Variants in CTDNEP1 observed in about 807,000 individuals in gnomAD.
CTDNEP1 encodes the protein C-terminal domain nuclear envelope phosphatase 1.
In CTDNEP1, 3 loss-of-function variants were observed where a neutral mutation model predicts 30.1. The ratio of observed to expected loss-of-function variants is 0.10; its 90% CI spans 0.05 to 0.26. The LOEUF (loss-of-function observed/expected upper bound fraction) is 0.26. Ranked by LOEUF, CTDNEP1 falls within the 10% of genes least tolerant of loss-of-function variation. CTDNEP1 has a pLI of 1.00. For synonymous variants in CTDNEP1, 123 were observed against 118.8 expected (o/e 1.04, Z -0.23); for missense variants, 158 against 310.4 (o/e 0.51, Z 3.69).
At position 7,244,613 on chromosome 17, in the gene CTDNEP1, G is replaced by C. The variant is rs2071814229; in HGVS notation, c.612C>G (p.Ser204=). ...CTGTGTCGCTGGGGTCACTGAACCA[G>C]GATTTGATGGGGATGGCATTGTCTA... ...SHPDNAIPIK[S]WFSDPSDTAL... The change falls in exon 7 of 8, where the codon TCC becomes TCG. Residue 204 remains serine, a synonymous_variant. Transcript: ENST00000574322. 6.2e-7 allele frequency: 1 copy of C among 1,612,706 alleles called. No individual in the cohort carries two copies. The highest frequency in any genetic ancestry group is 1.7e-5 in the Admixed American group (1 of 59,782).
In CTDNEP1 at chr17:7,251,523, A is replaced by G. The variant is rs1204705520; in HGVS notation, c.-227T>C. 2.1e-5 allele frequency: 7 copies of G among 327,824 alleles called. No individual in the cohort carries two copies. Among genetic ancestry groups the G allele is most frequent in the African/African-American group, 2.3e-5 (1 of 44,034 alleles). 20.3% of individuals were successfully genotyped at this position (327,824 alleles called of 1,614,324 possible). A position where few individuals can be genotyped will look rare whatever the true frequency, so the allele number is the denominator to read the frequency against. On this transcript the variant is annotated 5_prime_UTR_variant, in exon 1 of 8. It removes an upstream start codon present in the reference 5' UTR. Coordinates refer to ENST00000574322, the MANE Select transcript of CTDNEP1 (RefSeq NM_001143775.2). ...GCGTGGGCAGCCCGCGGGGGCCCAC[A>G]TGGGCTGGGAGTGGCACCGACGGCT...
At chr17:7,247,037 AT>A in intron 3 of CTDNEP1, 26 bp downstream of exon 3, 1 of 1,555,336 alleles carries the variant, frequency 6.4e-7, no homozygotes, top group Non-Finnish European at 8.9e-7. Flanking sequence ...AGATGGAACC[AT>A]TTCATCACTC....
At position 7,246,245 on chromosome 17, in the gene CTDNEP1, C is replaced by T. The variant is rs763632018; in HGVS notation, c.477+9G>A. On this transcript the variant is annotated intron_variant, in intron 5 of 7. Coordinates refer to ENST00000574322, the MANE Select transcript of CTDNEP1 (RefSeq NM_001143775.2). This position sits in a 1 kb window ranked among gnomAD's most constrained non-coding sequence, Gnocchi z 4.9. The stretch of plus-strand genomic sequence containing the variant: ...CAAGCCACACTCTTAGACTGGGATT[C>T]TAGCTTACCTGTCTGTAATATCTCC... 4.4e-6 allele frequency: 7 copies of T among 1,605,986 alleles called. No homozygotes were observed. Among genetic ancestry groups the T allele is most frequent in the Non-Finnish European group, 4.3e-6 (5 of 1,172,626 alleles).
Position 7,244,541 on chromosome 17 carries a change from C to T in CTDNEP1, c.674+10G>A, listed in dbSNP as rs1401619858. Reference sequence around the variant, plus strand: ...GAGATATCCAAGTGTCCAGAGCCCACTTCCCTTACCTGAGGGCATCCAGCA... The same window carrying T: ...GAGATATCCAAGTGTCCAGAGCCCATTTCCCTTACCTGAGGGCATCCAGCA... On this transcript the variant is annotated intron_variant, in intron 7 of 7. Transcript: ENST00000574322. The T allele has an allele frequency of 2.5e-6, 4 of 1,610,930 alleles. No individual in the cohort carries two copies. In the African/African-American group the frequency reaches 4.0e-5, roughly 16 times the overall value.
chr17:7,244,790 G>A (rs549000412), intron 6 of CTDNEP1, 155 bp from the exon 7 acceptor site: 13 of 603,934 alleles, frequency 2.2e-5, no homozygotes, highest in African/African-American at 9.4e-5. Flanking sequence ...TTTATGCTCC[G>A]AAACTAAGTT....
chr17:7,246,160 G>T lies in CTDNEP1; in HGVS notation c.478-23C>A. 6.3e-7 allele frequency: 1 copy of T among 1,597,756 alleles called. No homozygotes were observed. On this transcript the variant is annotated intron_variant, in intron 5 of 7. Transcript: ENST00000574322. This position sits in a 1 kb window ranked among gnomAD's most constrained non-coding sequence, Gnocchi z 4.9. Reference sequence around the variant, plus strand: ...GTGCTGGAAGGCAGGGGATCATGTAGCAGGCCTCTCTCCAGGATACTCTCC... The same window carrying T: ...GTGCTGGAAGGCAGGGGATCATGTATCAGGCCTCTCTCCAGGATACTCTCC...
rs560835713 is a variant in CTDNEP1 at position 7,246,738 on chromosome 17, G to A, written c.360+53C>T. ...CCTCCAAATCCTCCCAATTCCCAGAGCCCTAAAACCATTCCTTCATTACAG... is the reference window on the plus strand; with the variant it reads ...CCTCCAAATCCTCCCAATTCCCAGAACCCTAAAACCATTCCTTCATTACAG... On this transcript the variant is annotated intron_variant, in intron 4 of 7. Transcript: ENST00000574322. The surrounding 1 kb of genome is among the most constrained non-coding windows in gnomAD (Gnocchi z 4.9). The A allele has an allele frequency of 1.3e-6, 2 of 1,481,790 alleles. No homozygotes were observed. The highest frequency in any genetic ancestry group is 1.4e-5 in the African/African-American group (1 of 71,988). 91.8% of individuals were successfully genotyped at this position (1,481,790 alleles called of 1,614,324 possible).
chr17:7,250,445 C>A (rs973855557), intron 1 of CTDNEP1, among the ~76,000 whole-genome samples: 2 of 152,144 alleles, frequency 1.3e-5, no homozygotes, highest in Non-Finnish European at 2.9e-5. Flanking sequence ...GAATGCTAGG[C>A]TCTCCTGGAG....
chr17:7,251,262 G>A lies in CTDNEP1; in HGVS notation c.35C>T (p.Thr12Met), dbSNP rs773809022. ...MRTQCLLGLR[T>M]FVAFAAKLWS... ...GAGCTTGGCGGCGAAGGCCACGAAC[G>A]TGCGCAGCCCCAGCAGACACTGCGT... Residue 12 changes from threonine to methionine, a missense_variant, in exon 1 of 8, where the codon ACG becomes ATG. Thr to Met is a moderately conservative substitution (Grantham distance 81). Around this residue, in one of 2 missense-constraint regions of CTDNEP1, gnomAD observed 62 missense variants for 81.4 expected, o/e 0.76. Transcript: ENST00000574322. The A allele has an allele frequency of 1.5e-5, 24 of 1,601,138 alleles. No homozygotes were observed. In the Admixed American group the frequency reaches 3.3e-4, roughly 22 times the overall value.
intron 7 of CTDNEP1, 124 bp downstream of exon 7, chr17:7,244,427 G>C: frequency 8.2e-7 from 1 of 1,218,786 alleles, no homozygotes. Flanking sequence ...GACGACCTGG[G>C]TCCAAATGTT....
chr17:7,246,408 G>C lies in CTDNEP1; in HGVS notation c.361-38C>G. On this transcript the variant is annotated intron_variant, in intron 4 of 7. Transcript: ENST00000574322. The surrounding 1 kb of genome is among the most constrained non-coding windows in gnomAD (Gnocchi z 4.9). ...GGGGGAGAGGGCGATGCCATACAAG[G>C]TGATGATTCCTTTAGACATACAGTT... 7.1e-7 allele frequency: 1 copy of C among 1,411,310 alleles called. No homozygotes were observed. Among genetic ancestry groups the C allele is most frequent in the South Asian group, 1.2e-5 (1 of 86,928 alleles). The allele number at this position is 1,411,310 out of a possible 1,614,324, so 87.4% of individuals were successfully genotyped here.
Position 7,247,334 on chromosome 17 carries a change from A to G in CTDNEP1, c.112T>C (p.Tyr38His), listed in dbSNP as rs1402887496. 5.0e-6 allele frequency: 8 copies of G among 1,613,690 alleles called. 1 individual carries two copies. The highest frequency in any genetic ancestry group is 3.3e-4 in the Middle Eastern group (2 of 6,084). ...LRRQIRTVIQYQTVRYDILPL... is the reference protein window; with the variant it reads ...LRRQIRTVIQHQTVRYDILPL... ...AGGATATCATATCGAACAGTTTGGT[A>G]CTGAATTACCTACAAATAGCACAAA... The change falls in exon 2 of 8, where the codon TAC becomes CAC. Residue 38 changes from tyrosine to histidine, a missense_variant. By Grantham distance (83) the Tyr-to-His change is moderately conservative (BLOSUM62 2). Coordinates refer to ENST00000574322, the MANE Select transcript of CTDNEP1 (RefSeq NM_001143775.2).
At chr17:7,245,152 CG>C (rs1185997515) in intron 6 of CTDNEP1, among the ~76,000 whole-genome samples, 1 of 152,114 alleles carries the variant, frequency 6.6e-6, no homozygotes, top group Non-Finnish European at 1.5e-5. Context: ...ATTAGCTGCG[CG>C]TGGTGGCAGG....
intron 6 of CTDNEP1, 67 bp from the exon 7 acceptor site, chr17:7,244,702 G>A: frequency 8.4e-7 from 1 of 1,186,742 alleles, no homozygotes; most frequent in Non-Finnish European, 1.2e-6. Context: ...TTCTCTTCTT[G>A]GAGGGAAGGA....
rs758395345 is a variant in CTDNEP1 at position 7,244,147 on chromosome 17, T to TC, written c.*37dup. 27 of 1,611,638 alleles carry TC rather than the reference T, an allele frequency of 1.7e-5. No homozygotes were observed. Among genetic ancestry groups the TC allele is most frequent in the South Asian group, 1.4e-4 (13 of 90,954 alleles). ...GCATCCCAAGGGCTCGCCCTCCCTT[T>TC]CCCCCCCACCCCAACTCAGGTGGAG... On this transcript the variant is annotated 3_prime_UTR_variant, in exon 8 of 8. Transcript: ENST00000574322.
Position 7,251,306 on chromosome 17 carries a change from C to CCCGGCACCG in CTDNEP1, c.-19_-11dup, listed in dbSNP as rs1385188358. The CCCGGCACCG allele has an allele frequency of 3.3e-6, 5 of 1,520,822 alleles. No homozygotes were observed. In the East Asian group the frequency reaches 1.3e-4, roughly 41 times the overall value. The allele number at this position is 1,520,822 out of a possible 1,614,324, so 94.2% of individuals were successfully genotyped here. On this transcript the variant is annotated 5_prime_UTR_variant, in exon 1 of 8. Transcript: ENST00000574322. ...ACTGCGTCCGCATCATCCCGATGAC[C>CCCGGCACCG]CCGGCACCGCCGGCCCCGGGGCCCC...
rs1480935359 is a variant in CTDNEP1, at chr17:7,244,419, C to A, written c.674+132G>T. On this transcript the variant is annotated intron_variant, in intron 7 of 7. Transcript: ENST00000574322. ...TAAAGTGATGAGCTTTGAAGTAAGA[C>A]GACCTGGGTCCAAATGTTAAATTCT... The A allele has an allele frequency of 1.4e-5, 17 of 1,189,662 alleles. No individual in the cohort carries two copies. The Middle Eastern group carries it at 2.0e-3, about 139-fold the overall frequency. 73.7% of individuals were successfully genotyped at this position (1,189,662 alleles called of 1,614,324 possible).
At chr17:7,245,151 G>A (rs534905860) in intron 6 of CTDNEP1, among the ~76,000 whole-genome samples, 9 of 152,274 alleles carry the variant, frequency 5.9e-5, no homozygotes, top group African/African-American at 1.9e-4. Flanking sequence ...AATTAGCTGC[G>A]CGTGGTGGCA....
intron 1 of CTDNEP1, among the ~76,000 whole-genome samples, chr17:7,250,862 G>A (rs2142999311): frequency 6.6e-6 from 1 of 152,218 alleles, no homozygotes; most frequent in African/African-American, 2.4e-5. Flanking sequence ...AGATCCGGCT[G>A]TCATCAAACA....
Sources: allele counts gnomAD v4.1 joint callset (sites outside exome capture counted in the v4.1 genomes callset), GRCh38; gene constraint gnomAD v4.1.1; regional missense constraint gnomAD v4.1.1; non-coding constraint Gnocchi (gnomAD v3.1); transcripts MANE v1.5; gene names NCBI Gene and HGNC (gene_info 2026-07-23, HGNC 2026-07-21).